The following TAFA4 variants were observed in gnomAD, a reference collection of about 807,000 sequenced individuals.
TAFA4 encodes chemokine-like protein TAFA-4.
Under a neutral mutation model 21.1 loss-of-function variants are expected in TAFA4, and 20 were observed. The observed-to-expected ratio is 0.95, with a 90% CI of 0.67 to 1.38. The LOEUF is 1.38. TAFA4 is among the 40% of genes most tolerant of loss of function. The probability of loss-of-function intolerance (pLI) is 0.00; values close to 1 mark genes in which losing one functional copy is unlikely to be tolerated. For missense variants in TAFA4, 211 were observed against 180.9 expected (o/e 1.17, Z -0.95); for synonymous variants, 71 against 67.4 (o/e 1.05, Z -0.26).
chr3:68,879,863 G>C (rs542658079), intron 3 of TAFA4, among the ~76,000 whole-genome samples: 1 of 152,046 alleles, frequency 6.6e-6, no homozygotes, highest in Non-Finnish European at 1.5e-5. Context: ...CGTGATTTAG[G>C]GTTCAGGCAT....
chr3:68,808,257 C>A (rs1175386990), intron 3 of TAFA4, among the ~76,000 whole-genome samples: 4 of 152,174 alleles, frequency 2.6e-5, no homozygotes, highest in Non-Finnish European at 5.9e-5. Context: ...GACCCTTCCA[C>A]TGGCAGTTTC....
chr3:68,883,265 C>G (rs2089637183), intron 2 of TAFA4, among the ~76,000 whole-genome samples: 1 of 152,192 alleles, frequency 6.6e-6, no homozygotes, highest in Non-Finnish European at 1.5e-5. Flanking sequence ...TCCCCGTATT[C>G]TTGCTATTGA....
chr3:68,884,120 A>G (rs1320330389), intron 2 of TAFA4, among the ~76,000 whole-genome samples: 2 of 152,222 alleles, frequency 1.3e-5, no homozygotes, highest in African/African-American at 4.8e-5. Flanking sequence ...AAAAAGAAAC[A>G]AAAGTTTATT....
chr3:68,909,693 A>G (rs1193763202), intron 1 of TAFA4, among the ~76,000 whole-genome samples: 3 of 152,210 alleles, frequency 2.0e-5, no homozygotes, highest in Non-Finnish European at 4.4e-5. Context: ...CTACTATCAG[A>G]TGGGACTGGG....
intron 3 of TAFA4, among the ~76,000 whole-genome samples, chr3:68,800,480 G>A (rs1703553649): frequency 6.6e-6 from 1 of 152,210 alleles, no homozygotes; most frequent in Non-Finnish European, 1.5e-5. Context: ...TTCTATCCCA[G>A]TCACTTACAG....
intron 3 of TAFA4, among the ~76,000 whole-genome samples, chr3:68,800,237 C>A (rs537017495): frequency 6.6e-6 from 1 of 152,142 alleles, no homozygotes; most frequent in Non-Finnish European, 1.5e-5. Flanking sequence ...TTTCACAAAA[C>A]TACTCTCTGG....
intron 3 of TAFA4, among the ~76,000 whole-genome samples, chr3:68,772,264 G>A (rs11128091): frequency 0.23 from 35,636 of 152,096 alleles, 4,919 homozygotes; most frequent in East Asian, 0.61. Flanking sequence ...CATGTGTGAC[G>A]GTTAATTTCA....
intron 4 of TAFA4, among the ~76,000 whole-genome samples, chr3:68,751,563 T>A (rs906253693): frequency 6.6e-6 from 1 of 152,200 alleles, no homozygotes; most frequent in Non-Finnish European, 1.5e-5. Flanking sequence ...AAATGCCATT[T>A]TTTAAATGTT....
intron 3 of TAFA4, among the ~76,000 whole-genome samples, chr3:68,796,531 C>G (rs1272864431): frequency 6.6e-6 from 1 of 152,056 alleles, no homozygotes; most frequent in Non-Finnish European, 1.5e-5. Context: ...AGACCTAAAA[C>G]TATAAACTCT....
In TAFA4 at chr3:68,733,057, C is replaced by G; in HGVS notation, c.*85G>C. Reference sequence around the variant, plus strand: ...AGTTGCTGAAATCCTAGACAATTTTCTGCAAAGGGGCCATGATGGGAATCC... The same window carrying G: ...AGTTGCTGAAATCCTAGACAATTTTGTGCAAAGGGGCCATGATGGGAATCC... On this transcript the variant is annotated 3_prime_UTR_variant, in exon 6 of 6. Coordinates refer to ENST00000295569, the MANE Select transcript of TAFA4 (RefSeq NM_182522.5). The G allele has an allele frequency of 6.3e-6, 10 of 1,578,460 alleles. No individual in the cohort carries two copies. Among genetic ancestry groups the G allele is most frequent in the Non-Finnish European group, 8.6e-6 (10 of 1,156,108 alleles).
intron 3 of TAFA4, among the ~76,000 whole-genome samples, chr3:68,776,521 G>A (rs73106767): frequency 0.022 from 3,408 of 152,268 alleles, 50 homozygotes; most frequent in Middle Eastern, 0.041. Context: ...AAACAAAAGT[G>A]TTGGAACTAA....
At position 68,810,729 on chromosome 3, in the gene TAFA4, A is replaced by G. The variant is rs559898800; in HGVS notation, c.131-57711T>C. ...CTCAAGGAGGACTGTCTGCCTCTGC[A>G]GACTCCACCTCTGGGGGCAGGGCAT... On this transcript the variant is annotated intron_variant, in intron 3 of 5. Transcript: ENST00000295569. Among the ~76,000 whole-genome samples, 5 of 152,346 alleles carry G rather than the reference A, an allele frequency of 3.3e-5. No individual in the cohort carries two copies. In the South Asian group the frequency reaches 1.0e-3, roughly 32 times the overall value.
At chr3:68,846,777 T>A (rs1033777294) in intron 3 of TAFA4, among the ~76,000 whole-genome samples, 1 of 152,206 alleles carries the variant, frequency 6.6e-6, no homozygotes, top group Admixed American at 6.5e-5. Flanking sequence ...GTCAGGCCCC[T>A]CTGCTGCAGG....
chr3:68,756,353 A>C (rs909526031), intron 3 of TAFA4, among the ~76,000 whole-genome samples: 1 of 152,226 alleles, frequency 6.6e-6, no homozygotes, highest in African/African-American at 2.4e-5. Flanking sequence ...TTTCAGATAC[A>C]TCCATTTACA....
At chr3:68,751,808 T>C (rs1490542123) in intron 4 of TAFA4, among the ~76,000 whole-genome samples, 1 of 152,208 alleles carries the variant, frequency 6.6e-6, no homozygotes, top group Non-Finnish European at 1.5e-5. Context: ...AGTAGGTCTG[T>C]AAGGTAATAG....
intron 3 of TAFA4, among the ~76,000 whole-genome samples, chr3:68,847,117 A>C (rs1704821850): frequency 6.6e-6 from 1 of 152,220 alleles, no homozygotes; most frequent in South Asian, 2.1e-4. Context: ...CTGTGCCCAC[A>C]GCTGTCCCTT....
intron 3 of TAFA4, among the ~76,000 whole-genome samples, chr3:68,771,939 A>C (rs1702965531): frequency 6.6e-6 from 1 of 152,254 alleles, no homozygotes; most frequent in South Asian, 2.1e-4. Context: ...AACAAATCCA[A>C]ATGCTTGGTA....
chr3:68,846,754 T>G (rs1704810720), intron 3 of TAFA4, among the ~76,000 whole-genome samples: 1 of 152,190 alleles, frequency 6.6e-6, no homozygotes, highest in African/African-American at 2.4e-5. Context: ...GTTTGCTAGT[T>G]TTCCTTCTAA....
At chr3:68,859,422 G>A (rs1382698344) in intron 3 of TAFA4, among the ~76,000 whole-genome samples, 3 of 152,094 alleles carry the variant, frequency 2.0e-5, no homozygotes, top group Non-Finnish European at 4.4e-5. Flanking sequence ...TGGTCAGGTA[G>A]AAAATGACCT....
Sources: gnomAD v4.1 joint callset for allele counts (sites outside exome capture counted in the v4.1 genomes callset) on GRCh38, gnomAD v4.1.1 for gene constraint, MANE v1.5 for transcripts, NCBI Gene and HGNC (gene_info 2026-07-23, HGNC 2026-07-21) for gene names.